The following EGFR variants were observed in gnomAD, a reference collection of about 807,000 sequenced individuals.
The protein encoded by EGFR is avian erythroblastic leukemia viral (v-erb-b) oncogene homolog.
EGFR carries 58 observed loss-of-function variants against 143.0 expected under a neutral mutation model. That is an observed-to-expected ratio of 0.41 (90% CI 0.33 to 0.50). EGFR has a LOEUF of 0.50. EGFR is among the 20% of genes least tolerant of loss of function. The pLI is 0.39. For missense variants in EGFR, 1,307 were observed against 1,579.0 expected (o/e 0.83, Z 2.92); for synonymous variants, 613 against 594.4 (o/e 1.03, Z -0.45).
rs1206786791 is a variant in EGFR, at chr7:55,161,459, G to A, written c.1499-40G>A. On this transcript the variant is annotated intron_variant, in intron 12 of 27. Coordinates refer to ENST00000275493, the MANE Select transcript of EGFR (RefSeq NM_005228.5). The stretch of plus-strand genomic sequence containing the variant: ...GTCTCCTCCGGCCCCTCGGGTCCCT[G>A]CTCTGTCACTGACTGCTGTGACCCA... 7 of 1,603,022 alleles carry A rather than the reference G, an allele frequency of 4.4e-6. No individual in the cohort carries two copies. In the Middle Eastern group the frequency reaches 7.1e-4, roughly 164 times the overall value.
At chr7:55,063,500 G>A (rs1425998138) in intron 1 of EGFR, among the ~76,000 whole-genome samples, 3 of 152,170 alleles carry the variant, frequency 2.0e-5, no homozygotes, top group African/African-American at 7.2e-5. Flanking sequence ...ACAAAAAATA[G>A]TATTTTAAAT....
intron 1 of EGFR, among the ~76,000 whole-genome samples, chr7:55,038,058 A>C (rs1787697779): frequency 1.3e-5 from 2 of 152,104 alleles, no homozygotes; most frequent in African/African-American, 4.8e-5. Context: ...ACGACTGCAG[A>C]TAGGGGGAGG....
chr7:55,152,485 T>A lies in EGFR; in HGVS notation c.629-61T>A, dbSNP rs1001067573. ...AAAAGTCTGCAAGTGCTCTGCGACA[T>A]CCCTGGGAAATGATCCTACCCTCAC... On this transcript the variant is annotated intron_variant, in intron 5 of 27. Transcript: ENST00000275493. The A allele has an allele frequency of 1.3e-5, 19 of 1,482,204 alleles. No individual in the cohort carries two copies. The African/African-American group carries it at 2.2e-4, about 17-fold the overall frequency. The allele number at this position is 1,482,204 out of a possible 1,614,324, so 91.8% of individuals were successfully genotyped here.
intron 13 of EGFR, among the ~76,000 whole-genome samples, chr7:55,161,869 A>T (rs1444125333): frequency 6.6e-6 from 1 of 152,236 alleles, no homozygotes; most frequent in Admixed American, 6.5e-5. Context: ...CCAATAATTT[A>T]TAGAATCTCT....
At chr7:55,194,406 C>G (rs552042272) in intron 22 of EGFR, among the ~76,000 whole-genome samples, 1 of 151,934 alleles carries the variant, frequency 6.6e-6, no homozygotes, top group East Asian at 1.9e-4. Context: ...TTTTGTATCT[C>G]TAGTTGAGAC....
chr7:55,059,490 G>A (rs1583934562), intron 1 of EGFR, among the ~76,000 whole-genome samples: 1 of 151,738 alleles, frequency 6.6e-6, no homozygotes, highest in Non-Finnish European at 1.5e-5. Flanking sequence ...AAGCCCACAG[G>A]TTGCGTTAGG....
At position 55,173,805 on chromosome 7, in the gene EGFR, T is replaced by C. The variant is rs555842687; in HGVS notation, c.2062-116T>C. On this transcript the variant is annotated intron_variant, in intron 17 of 27. Transcript: ENST00000275493. ...AAATGAGCTGGCAAGTGCCGTGTCC[T>C]GGCACCCAAGCCCATGCCGTGGCTG... 3.3e-4 allele frequency: 515 copies of C among 1,545,500 alleles called. 4 individuals carry two copies. The Middle Eastern group carries it at 4.8e-3, about 14-fold the overall frequency.
intron 4 of EGFR, among the ~76,000 whole-genome samples, chr7:55,148,041 A>G (rs1169706777): frequency 6.6e-6 from 1 of 152,212 alleles, no homozygotes; most frequent in Non-Finnish European, 1.5e-5. Flanking sequence ...ATCTACAGAC[A>G]CTGGGGTTGC....
At chr7:55,079,624 A>G (rs57422380) in intron 1 of EGFR, among the ~76,000 whole-genome samples, 148 of 152,108 alleles carry the variant, frequency 9.7e-4, no homozygotes, top group African/African-American at 3.4e-3. Flanking sequence ...AAAATACTGC[A>G]CGGTTTATCG....
At chr7:55,150,387 A>C (rs941345405) in intron 4 of EGFR, among the ~76,000 whole-genome samples, 1 of 152,122 alleles carries the variant, frequency 6.6e-6, no homozygotes, top group Admixed American at 6.5e-5. Context: ...GTCTCTAAGG[A>C]GCACCAGCGC....
chr7:55,161,702 C>T (rs2128943272), intron 13 of EGFR, 71 bp downstream of exon 13: 1 of 1,610,672 alleles, frequency 6.2e-7, no homozygotes. Context: ...TATAGCTTTA[C>T]AGGCATTCTG....
At chr7:55,103,892 T>C (rs190154091) in intron 1 of EGFR, among the ~76,000 whole-genome samples, 75 of 152,352 alleles carry the variant, frequency 4.9e-4, no homozygotes, top group African/African-American at 1.7e-3. Flanking sequence ...TCACATCTTT[T>C]AATTCACAAG....
intron 1 of EGFR, among the ~76,000 whole-genome samples, chr7:55,050,500 GGC>G: frequency 6.6e-6 from 1 of 152,182 alleles, no homozygotes; most frequent in Non-Finnish European, 1.5e-5. Flanking sequence ...TCCACGGGAG[GGC>G]ACTTGGGTTG....
intron 1 of EGFR, among the ~76,000 whole-genome samples, chr7:55,114,687 G>A (rs796490876): frequency 3.5e-4 from 53 of 151,784 alleles, no homozygotes; most frequent in African/African-American, 1.2e-3. Context: ...GAGATGACTG[G>A]GGAATCCATT....
At chr7:55,023,628 G>A (rs1007158827) in intron 1 of EGFR, among the ~76,000 whole-genome samples, 4 of 136,876 alleles carry the variant, frequency 2.9e-5, no homozygotes, top group Non-Finnish European at 3.0e-5. Context: ...TCCAGCCCGC[G>A]CGACAGTGTG....
At chr7:55,203,104 T>A (rs369484857) in intron 27 of EGFR, 1 of 250,620 alleles carries the variant, frequency 4.0e-6, no homozygotes, top group Non-Finnish European at 7.8e-6. Context: ...CACACACACA[T>A]ATACACACAC....
rs1788211747 is a variant in EGFR, at chr7:55,210,450, A to T, written c.*4833A>T. On this transcript the variant is annotated 3_prime_UTR_variant, in exon 28 of 28. Coordinates refer to ENST00000275493, the MANE Select transcript of EGFR (RefSeq NM_005228.5). ...CCCAGCTACACCTCAGACCGATTAA[A>T]CGCAAATCTCTGGGGCTGAAACCCA... 2.0e-5 allele frequency: 3 copies of T among 152,194 alleles called. No homozygotes were observed. The highest frequency in any genetic ancestry group is 1.9e-4 in the East Asian group (1 of 5,198). 9.4% of individuals were successfully genotyped at this position (152,194 alleles called of 1,614,324 possible).
At chr7:55,179,083 C>T (rs142808799) in intron 19 of EGFR, among the ~76,000 whole-genome samples, 2 of 152,320 alleles carry the variant, frequency 1.3e-5, no homozygotes, top group South Asian at 2.1e-4. Context: ...AAGTGTGTGC[C>T]GGGTGATCCG....
intron 1 of EGFR, among the ~76,000 whole-genome samples, chr7:55,131,657 C>T (rs1278147270): frequency 1.3e-5 from 2 of 152,236 alleles, no homozygotes; most frequent in Non-Finnish European, 2.9e-5. Flanking sequence ...TGAGCGCCCT[C>T]TGCCCCCCAG....
Sources: allele counts gnomAD v4.1 joint callset (sites outside exome capture counted in the v4.1 genomes callset), GRCh38; gene constraint gnomAD v4.1.1; transcripts MANE v1.5; gene names NCBI Gene and HGNC (gene_info 2026-07-23, HGNC 2026-07-21).